The following PUM1 variants were observed in gnomAD, a reference collection of about 807,000 sequenced individuals.
PUM1 encodes pumilio RNA binding family member 1.
A neutral mutation model predicts 131.8 loss-of-function variants in PUM1; 13 were observed. That is an observed-to-expected ratio of 0.10 (90% CI 0.06 to 0.16). PUM1 has a LOEUF of 0.16. PUM1 is among the 10% of genes least tolerant of loss of function. PUM1 has a pLI of 1.00. For missense variants in PUM1, 961 were observed against 1,512.4 expected, an observed-to-expected ratio of 0.64 and a Z score of 6.05; for synonymous variants, 509 against 556.5, an observed-to-expected ratio of 0.91 and a Z score of 1.20.
chr1:30,970,961 G>A (rs531423453), intron 10 of PUM1, among the ~76,000 whole-genome samples: 1 of 152,146 alleles, frequency 6.6e-6, no homozygotes, highest in African/African-American at 2.4e-5. Flanking sequence ...TTGTAATAAG[G>A]AAGGAAAACA....
intron 2 of PUM1, among the ~76,000 whole-genome samples, chr1:31,044,177 GGATCAC>G (rs1643900325): frequency 6.6e-6 from 1 of 152,076 alleles, no homozygotes; most frequent in Non-Finnish European, 1.5e-5. Context: ...CGAGGCAGGT[GGATCAC>G]GAGGTCAGGA....
chr1:31,052,381 T>C (rs1210473968), intron 2 of PUM1, among the ~76,000 whole-genome samples: 1 of 151,842 alleles, frequency 6.6e-6, no homozygotes, highest in Admixed American at 6.6e-5. Flanking sequence ...TTCCTAGTAT[T>C]TGTTTTTTAA....
At chr1:30,991,676 C>T (rs557363348) in intron 7 of PUM1, among the ~76,000 whole-genome samples, 3 of 152,320 alleles carry the variant, frequency 2.0e-5, no homozygotes, top group South Asian at 4.1e-4. Context: ...GGGAAACTAA[C>T]AGCCCCTCTT....
chr1:31,022,396 A>G (rs1246886382), intron 3 of PUM1, among the ~76,000 whole-genome samples: 3 of 152,224 alleles, frequency 2.0e-5, no homozygotes, highest in Non-Finnish European at 4.4e-5. Flanking sequence ...TTCTGCTGCA[A>G]GAGTATGATT....
In PUM1 at chr1:30,933,194, C is replaced by T; in HGVS notation, c.*17G>A. 6.2e-7 allele frequency: 1 copy of T among 1,600,238 alleles called. No homozygotes were observed. The highest frequency in any genetic ancestry group is 8.5e-7 in the Non-Finnish European group (1 of 1,173,092). ...AGTGAGGTCAGCGGGAATGAGGGAA[C>T]AGCGGGTGACACTGCCTCAGATGAT... is the stretch of plus-strand genomic sequence containing the variant. On this transcript the variant is annotated 3_prime_UTR_variant, in exon 22 of 22. Transcript: ENST00000426105.
intron 14 of PUM1, among the ~76,000 whole-genome samples, chr1:30,964,402 T>G (rs1048019412): frequency 9.9e-5 from 15 of 152,220 alleles, no homozygotes; most frequent in Admixed American, 2.6e-4. Context: ...ATTGTTTACA[T>G]TGAAATACTC....
intron 11 of PUM1, chr1:30,968,121 T>C (rs1449069896): frequency 1.4e-6 from 1 of 701,504 alleles, no homozygotes; most frequent in East Asian, 2.8e-5. Context: ...AACCACATAT[T>C]CCAAGCTGCA....
intron 5 of PUM1, among the ~76,000 whole-genome samples, chr1:31,002,271 T>C (rs1200631471): frequency 5.3e-5 from 8 of 152,262 alleles, no homozygotes; most frequent in Admixed American, 1.3e-4. Context: ...ACGGCCCAAA[T>C]AGATGTATAC....
intron 19 of PUM1, 91 bp from the exon 20 acceptor site, chr1:30,941,363 T>C (rs1222456318): frequency 1.9e-5 from 25 of 1,342,174 alleles, no homozygotes; most frequent in Non-Finnish European, 2.3e-5. Flanking sequence ...AACCTGTCTT[T>C]CTTTTACCAC....
At chr1:31,022,632 C>T (rs1368546636) in intron 3 of PUM1, among the ~76,000 whole-genome samples, 4 of 152,050 alleles carry the variant, frequency 2.6e-5, no homozygotes, top group African/African-American at 9.7e-5. Context: ...CAATCCCAAT[C>T]CCAAAATTAT....
In PUM1 at chr1:30,941,211, C is replaced by T; in HGVS notation, c.3182G>A (p.Ser1061Asn). The change falls in exon 20 of 22, where the codon AGC becomes AAC. Residue 1061 changes from serine (S) to asparagine (N), a missense_variant. Transcript: ENST00000426105. The stretch of plus-strand genomic sequence containing the variant: ...GCCTCGGATTTCTGCTACAATTTTG[C>T]TTTTATCCTCAGGACGACCGTGCTC... ...VLEHGRPEDK[S>N]KIVAEIRGNV... 6.2e-7 allele frequency: 1 copy of T among 1,613,506 alleles called. No individual in the cohort carries two copies. The highest frequency in any genetic ancestry group is 8.5e-7 in the Non-Finnish European group (1 of 1,179,540).
chr1:30,990,964 G>A (rs1316456054), intron 7 of PUM1, among the ~76,000 whole-genome samples: 6 of 151,928 alleles, frequency 3.9e-5, no homozygotes, highest in Non-Finnish European at 8.8e-5. Flanking sequence ...TTCTGTTCAA[G>A]TTCTAATAAT....
At chr1:30,945,097 G>A (rs148692162) in intron 18 of PUM1, among the ~76,000 whole-genome samples, 137 of 152,234 alleles carry the variant, frequency 9.0e-4, no homozygotes, top group African/African-American at 3.3e-3. Flanking sequence ...AGCCAGGTGT[G>A]GTGGTATGTG....
chr1:30,967,505 CA>C (rs1640670963), intron 11 of PUM1, among the ~76,000 whole-genome samples, 195 bp from the exon 12 acceptor site: 2 of 152,144 alleles, frequency 1.3e-5, no homozygotes, highest in East Asian at 3.8e-4. Context: ...TTTCATACTA[CA>C]TAATAATTTA....
intron 6 of PUM1, among the ~76,000 whole-genome samples, chr1:30,993,342 TAA>T (rs200120030): frequency 8.7e-5 from 11 of 127,016 alleles, no homozygotes; most frequent in African/African-American, 8.9e-5. Context: ...GCCTAAGATT[TAA>T]AAAAAAAAAA....
At chr1:30,986,128 T>C (rs1641548808) in intron 7 of PUM1, among the ~76,000 whole-genome samples, 1 of 152,184 alleles carries the variant, frequency 6.6e-6, no homozygotes, top group Non-Finnish European at 1.5e-5. Flanking sequence ...CTAATTTTTG[T>C]ATTTTTACTA....
intron 21 of PUM1, 140 bp from the exon 22 acceptor site, chr1:30,933,482 A>ACACC: frequency 1.0e-5 from 8 of 780,860 alleles, no homozygotes; most frequent in Non-Finnish European, 1.0e-5. Flanking sequence ...ACACACACAC[A>ACACC]CACCCCTACA....
At chr1:30,950,292 C>T (rs1326952110) in intron 16 of PUM1, 31 bp from the exon 17 acceptor site, 1 of 1,596,654 alleles carries the variant, frequency 6.3e-7, no homozygotes, top group Non-Finnish European at 8.5e-7. Flanking sequence ...AACACCATTA[C>T]TTAAGTAGAA....
At chr1:30,942,953 G>A (rs1438973623) in intron 18 of PUM1, among the ~76,000 whole-genome samples, 6 of 152,082 alleles carry the variant, frequency 3.9e-5, no homozygotes, top group Non-Finnish European at 8.8e-5. Context: ...ACGGAGATTC[G>A]CTATGTTGCC....
Sources: allele counts gnomAD v4.1 joint callset (sites outside exome capture counted in the v4.1 genomes callset), GRCh38; gene constraint gnomAD v4.1.1; transcripts MANE v1.5; gene names NCBI Gene and HGNC (gene_info 2026-07-23, HGNC 2026-07-21).